The following DBT variants were observed in gnomAD, a reference collection of about 807,000 sequenced individuals.
The protein encoded by DBT is lipoamide acyltransferase component of branched-chain alpha-keto acid dehydrogenase complex, mitochondrial.
A neutral mutation model predicts 51.3 loss-of-function variants in DBT; 40 were observed. The observed-to-expected ratio is 0.78, with a 90% CI of 0.61 to 1.02. The LOEUF (loss-of-function observed/expected upper bound fraction) is 1.02, where lower values mean the gene tolerates loss of function less well. Among genes scored for constraint, DBT ranks in the 50% least tolerant of loss-of-function variants. The pLI is 0.00. For synonymous variants in DBT, 181 were observed against 190.4 expected (o/e 0.95, Z 0.41); for missense variants, 510 against 580.2 (o/e 0.88, Z 1.24).
At chr1:100,214,679 G>A (rs112208534) in intron 7 of DBT, 138 bp downstream of exon 7, 25 of 820,446 alleles carry the variant, frequency 3.0e-5, no homozygotes, top group African/African-American at 1.7e-4. Flanking sequence ...GTTTAAACCC[G>A]GAAGGTGGAG....
At chr1:100,242,204 T>C (rs982858938) in intron 1 of DBT, among the ~76,000 whole-genome samples, 7 of 152,110 alleles carry the variant, frequency 4.6e-5, no homozygotes, top group African/African-American at 1.7e-4. Flanking sequence ...GAGTCACTTT[T>C]ACTTAAAAAA....
intron 2 of DBT, among the ~76,000 whole-genome samples, chr1:100,237,934 C>G (rs1010235866): frequency 6.6e-6 from 1 of 152,126 alleles, no homozygotes; most frequent in African/African-American, 2.4e-5. Context: ...AGCCACTCTG[C>G]CCAGCACAGA....
intron 10 of DBT, among the ~76,000 whole-genome samples, chr1:100,203,240 A>C (rs1055462458): frequency 6.6e-6 from 1 of 152,212 alleles, no homozygotes; most frequent in Non-Finnish European, 1.5e-5. Flanking sequence ...AGAATCAAAT[A>C]GACACAATAA....
In DBT at chr1:100,187,628, G is replaced by A. The variant is rs1660623215; in HGVS notation, c.*8627C>T. ...CTGCAGCTTCGACCTCCTGGGCACA[G>A]GTGATCTCACTTCAGCTTCCCGAGT... On this transcript the variant is annotated 3_prime_UTR_variant, in exon 11 of 11. Coordinates refer to ENST00000370132, the MANE Select transcript of DBT (RefSeq NM_001918.5). 1 of 152,030 alleles carries A rather than the reference G, an allele frequency of 6.6e-6. No homozygotes were observed. The highest frequency in any genetic ancestry group is 2.1e-4 in the South Asian group (1 of 4,822). The allele number at this position is 152,030 out of a possible 1,614,324, so 9.4% of individuals were successfully genotyped here. A position where few individuals can be genotyped will look rare whatever the true frequency, so the allele number is the denominator to read the frequency against.
At chr1:100,210,993 A>T in intron 7 of DBT, 1 of 824,592 alleles carries the variant, frequency 1.2e-6, no homozygotes, top group Non-Finnish European at 2.0e-6. Context: ...TAAAGTAGTC[A>T]GGTAGCTTGT....
chr1:100,231,456 C>A (rs532978032), intron 3 of DBT, among the ~76,000 whole-genome samples: 1 of 152,164 alleles, frequency 6.6e-6, no homozygotes, highest in Non-Finnish European at 1.5e-5. Context: ...TTTTCTAGAT[C>A]GTTTTGGCAA....
intron 4 of DBT, among the ~76,000 whole-genome samples, chr1:100,222,550 T>C (rs1209820660): frequency 6.6e-6 from 1 of 152,170 alleles, no homozygotes; most frequent in Non-Finnish European, 1.5e-5. Context: ...TATGTAATCA[T>C]AGGCAGGTTA....
chr1:100,210,884 A>G, intron 7 of DBT, 113 bp from the exon 8 acceptor site: 2 of 1,561,634 alleles, frequency 1.3e-6, no homozygotes, highest in Admixed American at 1.9e-5. Flanking sequence ...ATTTATGCTG[A>G]GTTTAATTTC....
At chr1:100,210,472 GA>G (rs1014505034) in intron 8 of DBT, 2,951 of 476,130 alleles carry the variant, frequency 6.2e-3, no homozygotes, top group East Asian at 8.2e-3. Context: ...TTTTAAGCAG[GA>G]AAAAAAAAAG....
intron 7 of DBT, 101 bp downstream of exon 7, chr1:100,214,716 T>C (rs1662381216): frequency 1.7e-6 from 2 of 1,199,904 alleles, no homozygotes; most frequent in East Asian, 2.4e-5. Context: ...ATTGTGCCAT[T>C]GCACTCCAGC....
intron 4 of DBT, among the ~76,000 whole-genome samples, chr1:100,227,120 A>G (rs1441719488): frequency 1.3e-5 from 2 of 152,236 alleles, no homozygotes; most frequent in Non-Finnish European, 2.9e-5. Context: ...CTGTAACACA[A>G]TGGTAAATAT....
chr1:100,195,916 G>A lies in DBT; in HGVS notation c.*339C>T. On this transcript the variant is annotated 3_prime_UTR_variant, in exon 11 of 11. Transcript: ENST00000370132. ...CTAACCTCAGGTGATCCGCCCACCT[G>A]GGCCTCCCAAAGTGCTGGGATTACA... 1 of 306,660 alleles carries A rather than the reference G, an allele frequency of 3.3e-6. No homozygotes were observed. The highest frequency in any genetic ancestry group is 8.5e-5 in the East Asian group (1 of 11,728). 19.0% of individuals were successfully genotyped at this position (306,660 alleles called of 1,614,324 possible).
chr1:100,219,714 A>G (rs936535618), intron 4 of DBT, among the ~76,000 whole-genome samples: 1 of 152,048 alleles, frequency 6.6e-6, no homozygotes, highest in Admixed American at 6.6e-5. Flanking sequence ...GCGCCACGGC[A>G]CTCTAGGTTG....
rs1660836248 is a variant in DBT, at chr1:100,191,983, T to C, written c.*4272A>G. 1 of 151,590 alleles carries C rather than the reference T, an allele frequency of 6.6e-6. No individual in the cohort carries two copies. The highest frequency in any genetic ancestry group is 2.4e-5 in the African/African-American group (1 of 41,246). The allele number at this position is 151,590 out of a possible 1,614,324, so 9.4% of individuals were successfully genotyped here. A position where few individuals can be genotyped will look rare whatever the true frequency, so the allele number is the denominator to read the frequency against. On this transcript the variant is annotated 3_prime_UTR_variant, in exon 11 of 11. Coordinates refer to ENST00000370132, the MANE Select transcript of DBT (RefSeq NM_001918.5). Reference sequence around the variant, plus strand: ...TTTTTTGGTATTTTTTGTTTTTTGGTTTTTTTGGTAGAGCTGGGGTCGCCC... The same window carrying C: ...TTTTTTGGTATTTTTTGTTTTTTGGCTTTTTTGGTAGAGCTGGGGTCGCCC...
In DBT at chr1:100,196,337, T is replaced by C. The variant is rs756338806; in HGVS notation, c.1367A>G (p.Asp456Gly). Reference protein sequence around the residue: ...VSWSADHRVIDGATMSRFSNL... With the variant: ...VSWSADHRVIGGATMSRFSNL... The stretch of plus-strand genomic sequence containing the variant: ...GGAGAAGCGTGACATTGTAGCACCA[T>C]CAATAACTCTGTGATCAGCTGACCA... The change falls in exon 11 of 11, where the codon GAT becomes GGT. Residue 456 changes from aspartate (D) to glycine (G), a missense_variant. Transcript: ENST00000370132. 2 of 1,598,246 alleles carry C rather than the reference T, an allele frequency of 1.3e-6. No individual in the cohort carries two copies. Among genetic ancestry groups the C allele is most frequent in the East Asian group, 4.5e-5 (2 of 43,982 alleles).
At chr1:100,218,938 G>C (rs887207380) in intron 4 of DBT, among the ~76,000 whole-genome samples, 191 bp from the exon 5 acceptor site, 5 of 151,762 alleles carry the variant, frequency 3.3e-5, no homozygotes, top group African/African-American at 9.7e-5. Flanking sequence ...AGAGTGGGGG[G>C]GGGGGTGTGT....
chr1:100,241,783 C>T (rs1158810200), intron 1 of DBT, among the ~76,000 whole-genome samples: 1 of 152,170 alleles, frequency 6.6e-6, no homozygotes, highest in Non-Finnish European at 1.5e-5. Context: ...CTTTGGGAGG[C>T]CAAGGTGGGC....
At chr1:100,206,743 A>C (rs543039403) in intron 8 of DBT, 107 bp from the exon 9 acceptor site, 118 of 767,754 alleles carry the variant, frequency 1.5e-4, no homozygotes, top group Non-Finnish European at 2.6e-4. Flanking sequence ...ACTCATTTTT[A>C]CCAGATTGGT....
intron 8 of DBT, 42 bp downstream of exon 8, chr1:100,210,652 C>G (rs952837420): frequency 1.2e-6 from 2 of 1,611,640 alleles, no homozygotes; most frequent in Non-Finnish European, 8.5e-7. Context: ...TTTGCCCCAT[C>G]TTCTATTAAT....
Sources: allele counts gnomAD v4.1 joint callset (sites outside exome capture counted in the v4.1 genomes callset), GRCh38; gene constraint gnomAD v4.1.1; transcripts MANE v1.5; gene names NCBI Gene and HGNC (gene_info 2026-07-23, HGNC 2026-07-21).